EPB41L4A: variants seen among roughly 807,000 people sequenced by gnomAD.
EPB41L4A encodes band 4.1-like protein 4A.
A neutral mutation model predicts 108.6 loss-of-function variants in EPB41L4A; 100 were observed. The ratio of observed to expected loss-of-function variants is 0.92; its 90% CI spans 0.78 to 1.09. The LOEUF (loss-of-function observed/expected upper bound fraction) is 1.09. EPB41L4A is among the 50% of genes least tolerant of loss of function. The pLI is 0.00. For synonymous variants in EPB41L4A, 319 were observed against 289.0 expected (o/e 1.10, Z -1.05); for missense variants, 1,030 against 842.7 (o/e 1.22, Z -2.75).
At chr5:112,289,754 T>C (rs1402809290) in intron 2 of EPB41L4A, among the ~76,000 whole-genome samples, 1 of 152,196 alleles carries the variant, frequency 6.6e-6, no homozygotes, top group Non-Finnish European at 1.5e-5. Context: ...CCAGCCTTCA[T>C]GCTGCTCCAG....
At chr5:112,228,665 T>C (rs1748644686) in intron 12 of EPB41L4A, 3 of 976,492 alleles carry the variant, frequency 3.1e-6, no homozygotes, top group Non-Finnish European at 3.7e-6. Flanking sequence ...CTTCATTGCC[T>C]ACTTACAGCA....
chr5:112,210,017 A>G (rs766086820), intron 12 of EPB41L4A, 35 bp from the exon 13 acceptor site: 7 of 1,250,730 alleles, frequency 5.6e-6, no homozygotes, highest in East Asian at 2.4e-5. Flanking sequence ...TGGAAGAGAG[A>G]GGAAACAGTG....
At chr5:112,328,277 C>T (rs1415296757) in intron 1 of EPB41L4A, among the ~76,000 whole-genome samples, 1 of 151,872 alleles carries the variant, frequency 6.6e-6, no homozygotes, top group Non-Finnish European at 1.5e-5. Context: ...CCACTGTACT[C>T]CAGCCTTGGT....
At chr5:112,158,362 T>C, downstream of EPB41L4A, 1 of 324,648 alleles carries the variant, frequency 3.1e-6, no homozygotes, top group Non-Finnish European at 6.2e-6. Context: ...TTCATAATTC[T>C]TTAAACTAAC....
At chr5:112,266,085 G>T in intron 5 of EPB41L4A, 148 bp downstream of exon 5, 4 of 644,938 alleles carry the variant, frequency 6.2e-6, no homozygotes, top group Non-Finnish European at 1.1e-5. Context: ...AAGGAACACT[G>T]AACAAAACTT....
intron 2 of EPB41L4A, among the ~76,000 whole-genome samples, chr5:112,293,883 T>C (rs1397410605): frequency 6.6e-6 from 1 of 152,238 alleles, no homozygotes; most frequent in East Asian, 1.9e-4. Flanking sequence ...ACATCATCTC[T>C]TCCTTTCCTA....
chr5:112,251,968 G>A (rs1750709069), intron 9 of EPB41L4A, among the ~76,000 whole-genome samples: 1 of 152,176 alleles, frequency 6.6e-6, no homozygotes, highest in Admixed American at 6.5e-5. Flanking sequence ...TGAAAGGACA[G>A]CAAACAATTG....
intron 1 of EPB41L4A, among the ~76,000 whole-genome samples, chr5:112,375,334 C>CAT (rs879725250): frequency 9.4e-5 from 14 of 148,524 alleles, no homozygotes; most frequent in Non-Finnish European, 7.4e-5. Context: ...CACACACACA[C>CAT]ATACACACAC....
rs534084094 is a variant in EPB41L4A at position 112,344,716 on chromosome 5, G to A, written c.100-37226C>T. On this transcript the variant is annotated intron_variant, in intron 1 of 22. Coordinates refer to ENST00000261486, the MANE Select transcript of EPB41L4A (RefSeq NM_022140.5). ...TGTCCGCAGCTCAACTCCTGTCCAG[G>A]AGTCCCAGGCTGCCCTCCCGAGGTG... 3.3e-5 allele frequency among the ~76,000 whole-genome samples: 5 copies of A among 152,344 alleles called. No homozygotes were observed. The East Asian group carries it at 9.6e-4, about 29-fold the overall frequency.
intron 18 of EPB41L4A, among the ~76,000 whole-genome samples, chr5:112,181,393 A>G (rs1273319120): frequency 1.3e-5 from 2 of 152,060 alleles, no homozygotes; most frequent in African/African-American, 4.8e-5. Flanking sequence ...CGGAGCTTGC[A>G]GTGAGCCGAG....
intron 15 of EPB41L4A, among the ~76,000 whole-genome samples, chr5:112,196,300 T>C (rs1078129): frequency 0.59 from 90,329 of 152,028 alleles, 27,746 homozygotes; most frequent in East Asian, 0.74. Flanking sequence ...TCTCCACTGA[T>C]GAGTTATGTG....
At chr5:112,398,389 T>C (rs1751264304) in intron 1 of EPB41L4A, among the ~76,000 whole-genome samples, 1 of 152,112 alleles carries the variant, frequency 6.6e-6, no homozygotes, top group Non-Finnish European at 1.5e-5. Context: ...GGGGTTTTTT[T>C]TGTTTGTTTC....
intron 12 of EPB41L4A, among the ~76,000 whole-genome samples, chr5:112,233,869 C>G (rs1749135964): frequency 6.6e-6 from 1 of 152,110 alleles, no homozygotes; most frequent in Admixed American, 6.6e-5. Context: ...CAGTCTATCA[C>G]CCAGGCTGGA....
chr5:112,185,339 T>C (rs1761375690), intron 17 of EPB41L4A, among the ~76,000 whole-genome samples: 1 of 152,232 alleles, frequency 6.6e-6, no homozygotes, highest in Admixed American at 6.5e-5. Flanking sequence ...GGTTCCTCTG[T>C]TATTGCACTT....
At position 112,419,099 on chromosome 5, in the gene EPB41L4A, C is replaced by A. The variant is rs903874049; in HGVS notation, c.-60G>T. 2.3e-6 allele frequency: 3 copies of A among 1,304,804 alleles called. No individual in the cohort carries two copies. In the African/African-American group the frequency reaches 4.4e-5, roughly 19 times the overall value. 80.8% of individuals were successfully genotyped at this position (1,304,804 alleles called of 1,614,324 possible). The stretch of plus-strand genomic sequence containing the variant: ...CTACCACCGAGGCGCCCAGCCGCCC[C>A]CTCCACTCAAGCGCGATGCATTAAT... On this transcript the variant is annotated 5_prime_UTR_variant, in exon 1 of 23. Coordinates refer to ENST00000261486, the MANE Select transcript of EPB41L4A (RefSeq NM_022140.5).
chr5:112,372,094 T>C (rs1297806448), intron 1 of EPB41L4A, among the ~76,000 whole-genome samples: 1 of 152,200 alleles, frequency 6.6e-6, no homozygotes, highest in Non-Finnish European at 1.5e-5. Flanking sequence ...AGGAAGTGTA[T>C]TAGTCTGTTC....
rs561696036 is a variant in EPB41L4A, at chr5:112,290,075, C to T, written c.205-9752G>A. The stretch of plus-strand genomic sequence containing the variant: ...CTGGAACATACCTAGAAACCTCCCT[C>T]CATCACATCATTCAAGAAACCAGAG... On this transcript the variant is annotated intron_variant, in intron 2 of 22. Transcript: ENST00000261486. Among the ~76,000 whole-genome samples, 20 of 152,300 alleles carry T rather than the reference C, an allele frequency of 1.3e-4. No individual in the cohort carries two copies. In the East Asian group the frequency reaches 3.1e-3, roughly 24 times the overall value.
chr5:112,275,277 T>C lies in EPB41L4A; in HGVS notation c.335+49A>G, dbSNP rs578059074. 29 of 1,495,170 alleles carry C rather than the reference T, an allele frequency of 1.9e-5. No homozygotes were observed. In the South Asian group the frequency reaches 3.7e-4, roughly 19 times the overall value. 92.6% of individuals were successfully genotyped at this position (1,495,170 alleles called of 1,614,324 possible). ...TTTAATTTGTTTTAAATAAAGCTTT[T>C]TGTATATGCAATGCATGTATCTGTT... is the stretch of plus-strand genomic sequence containing the variant. On this transcript the variant is annotated intron_variant, in intron 4 of 22. Transcript: ENST00000261486.
chr5:112,187,410 G>A (rs1170464655), intron 17 of EPB41L4A, among the ~76,000 whole-genome samples: 4 of 152,130 alleles, frequency 2.6e-5, no homozygotes, highest in African/African-American at 9.7e-5. Flanking sequence ...TTAGAATACA[G>A]CAAATTCTAA....
Sources: allele counts gnomAD v4.1 joint callset (sites outside exome capture counted in the v4.1 genomes callset), GRCh38; gene constraint gnomAD v4.1.1; transcripts MANE v1.5; gene names NCBI Gene and HGNC (gene_info 2026-07-23, HGNC 2026-07-21).